COL20A1: variants seen among roughly 807,000 people sequenced by gnomAD.
The protein encoded by COL20A1 is collagen type XX alpha 1 chain.
A neutral mutation model predicts 152.9 loss-of-function variants in COL20A1; 164 were observed. That is an observed-to-expected ratio of 1.07 (90% CI 0.94 to 1.22). COL20A1 has a LOEUF of 1.22. COL20A1 is among the 50% of genes most tolerant of loss of function. COL20A1 has a pLI of 0.00. For missense variants in COL20A1, 1,873 were observed against 1,744.8 expected, an observed-to-expected ratio of 1.07 and a Z score of -1.31; for synonymous variants, 864 against 756.0, an observed-to-expected ratio of 1.14 and a Z score of -2.34.
rs554008709 is a variant in COL20A1 at position 63,334,446 on chromosome 20, G to A, written c.*3730G>A. 2.6e-5 allele frequency: 4 copies of A among 152,244 alleles called. No individual in the cohort carries two copies. Among genetic ancestry groups the A allele is most frequent in the African/African-American group, 4.8e-5 (2 of 41,442 alleles). 9.4% of individuals were successfully genotyped at this position (152,244 alleles called of 1,614,324 possible). ...TTCTTGTTTTTTGAGACAAGGTCTT[G>A]CTCTGTCACCCAGGCTGGAGTACAG... is the stretch of plus-strand genomic sequence containing the variant. On this transcript the variant is annotated 3_prime_UTR_variant, in exon 36 of 36. Coordinates refer to ENST00000358894, the MANE Select transcript of COL20A1 (RefSeq NM_020882.4).
rs185206820 is a variant in COL20A1 at position 63,323,548 on chromosome 20, G to C, written c.3294+1437G>C. On this transcript the variant is annotated intron_variant, in intron 27 of 35. Coordinates refer to ENST00000358894, the MANE Select transcript of COL20A1 (RefSeq NM_020882.4). The stretch of plus-strand genomic sequence containing the variant: ...TACAGCACTGGGGAGGACAGAGGAC[G>C]GGGAGGACTCCAGCTTCACCTCTTC... Among the ~76,000 whole-genome samples, 7 of 152,304 alleles carry C rather than the reference G, an allele frequency of 4.6e-5. No individual in the cohort carries two copies. In the East Asian group the frequency reaches 1.4e-3, roughly 29 times the overall value.
At chr20:63,304,507 G>T (rs111164188) in intron 3 of COL20A1, among the ~76,000 whole-genome samples, 9 of 70,818 alleles carry the variant, frequency 1.3e-4, no homozygotes, top group South Asian at 1.3e-3. Context: ...CTGCAGGTGC[G>T]CAGGTGTGGG....
Position 63,331,793 on chromosome 20 carries a change from A to T in COL20A1, c.*1077A>T, listed in dbSNP as rs2068336849. 6.6e-6 allele frequency: 1 copy of T among 152,282 alleles called. No individual in the cohort carries two copies. The highest frequency in any genetic ancestry group is 2.4e-5 in the African/African-American group (1 of 41,458). 9.4% of individuals were successfully genotyped at this position (152,282 alleles called of 1,614,324 possible). A position where few individuals can be genotyped will look rare whatever the true frequency, so the allele number is the denominator to read the frequency against. ...CATTGAGGAGAGAATGAAAAGTATT[A>T]AAAAGGAACAAAGAGAGACCCTTGA... On this transcript the variant is annotated 3_prime_UTR_variant, in exon 36 of 36. Transcript: ENST00000358894.
At chr20:63,314,417 T>C (rs1181950457) in intron 19 of COL20A1, among the ~76,000 whole-genome samples, 1 of 152,136 alleles carries the variant, frequency 6.6e-6, no homozygotes, top group Non-Finnish European at 1.5e-5. Flanking sequence ...AAGGACGTGG[T>C]CACACTTGCC....
At chr20:63,329,758 G>A (rs2068307861) in intron 35 of COL20A1, 97 bp downstream of exon 35, 1 of 866,522 alleles carries the variant, frequency 1.2e-6, no homozygotes, top group East Asian at 2.7e-5. Flanking sequence ...ATGCTGTCCA[G>A]GGTGGGGTGC....
chr20:63,315,400 G>A lies in COL20A1; in HGVS notation c.2489-4G>A. 2 of 1,574,824 alleles carry A rather than the reference G, an allele frequency of 1.3e-6. No individual in the cohort carries two copies. Among genetic ancestry groups the A allele is most frequent in the East Asian group, 2.3e-5 (1 of 43,164 alleles). On this transcript the variant is annotated splice_region_variant and splice_polypyrimidine_tract_variant and intron_variant, in intron 19 of 35. Transcript: ENST00000358894. ...CTCACACTGACCCTGTCTCCTCTCA[G>A]CAGCCTGCCCAGCCCTCCGCCCTGA...
chr20:63,307,484 C>G lies in COL20A1; in HGVS notation c.497-6C>G, dbSNP rs765027858. 6.2e-6 allele frequency: 10 copies of G among 1,609,652 alleles called. No individual in the cohort carries two copies. In the African/African-American group the frequency reaches 1.1e-4, roughly 17 times the overall value. On this transcript the variant is annotated splice_region_variant and splice_polypyrimidine_tract_variant and intron_variant, in intron 5 of 35. Transcript: ENST00000358894. The stretch of plus-strand genomic sequence containing the variant: ...CCTAGCACCTGACCCGCTCCCACCG[C>G]CCCAGCCGGCCCCCAGTTCCGCTGC...
intron 3 of COL20A1, among the ~76,000 whole-genome samples, chr20:63,303,694 G>T (rs2067885344): frequency 6.6e-6 from 1 of 152,166 alleles, no homozygotes; most frequent in African/African-American, 2.4e-5. Context: ...TCCCTGGCTG[G>T]TCACTCCCTG....
rs892079010 is a variant in COL20A1, at chr20:63,308,101, G to A, written c.775+11G>A. 5.6e-6 allele frequency: 9 copies of A among 1,611,828 alleles called. No individual in the cohort carries two copies. Among genetic ancestry groups the A allele is most frequent in the Admixed American group, 3.3e-5 (2 of 59,960 alleles). On this transcript the variant is annotated intron_variant, in intron 7 of 35. Coordinates refer to ENST00000358894, the MANE Select transcript of COL20A1 (RefSeq NM_020882.4). Reference sequence around the variant, plus strand: ...GGAACACGTTCACAGGTACGGCCCAGGCCTGCCCCTCCCTCTGTCCTGAGG... The same window carrying A: ...GGAACACGTTCACAGGTACGGCCCAAGCCTGCCCCTCCCTCTGTCCTGAGG...
At position 63,331,739 on chromosome 20, in the gene COL20A1, G is replaced by A. The variant is rs1414209708; in HGVS notation, c.*1023G>A. On this transcript the variant is annotated 3_prime_UTR_variant, in exon 36 of 36. Coordinates refer to ENST00000358894, the MANE Select transcript of COL20A1 (RefSeq NM_020882.4). The stretch of plus-strand genomic sequence containing the variant: ...ACCACTTAGGCAGCTAAGCAAGAAA[G>A]GTGCCAGAAATGAAGAGGGAAGCCA... The A allele has an allele frequency of 6.6e-6, 1 of 152,170 alleles. No individual in the cohort carries two copies. The highest frequency in any genetic ancestry group is 1.5e-5 in the Non-Finnish European group (1 of 68,040). 9.4% of individuals were successfully genotyped at this position (152,170 alleles called of 1,614,324 possible). A position where few individuals can be genotyped will look rare whatever the true frequency, so the allele number is the denominator to read the frequency against.
rs989500025 is a variant in COL20A1 at position 63,306,978 on chromosome 20, C to T, written c.497-512C>T. ...GGGCAGCTGGGCCTCTTCGGTCGCC[C>T]CACGGGGGGCTCCACCGTGATGGCT... On this transcript the variant is annotated intron_variant, in intron 5 of 35. Transcript: ENST00000358894. The surrounding 1 kb of genome is among the most constrained non-coding windows in gnomAD (Gnocchi z 6.9). Among the ~76,000 whole-genome samples, 1 of 152,244 alleles carries T rather than the reference C, an allele frequency of 6.6e-6. No individual in the cohort carries two copies. Among genetic ancestry groups the T allele is most frequent in the Admixed American group, 6.5e-5 (1 of 15,290 alleles).
At position 63,319,129 on chromosome 20, in the gene COL20A1, C is replaced by T. The variant is rs535825876; in HGVS notation, c.2735C>T (p.Pro912Leu). 11 of 1,613,286 alleles carry T rather than the reference C, an allele frequency of 6.8e-6. No individual in the cohort carries two copies. The African/African-American group carries it at 9.3e-5, about 14-fold the overall frequency. The change falls in exon 22 of 36, where the codon CCC becomes CTC. Residue 912 changes from proline to leucine, a missense_variant. Coordinates refer to ENST00000358894, the MANE Select transcript of COL20A1 (RefSeq NM_020882.4). The surrounding 1 kb of genome is among the most constrained non-coding windows in gnomAD (Gnocchi z 4.4). ...CTTGTGCGCCTACTTCCCGAGACAC[C>T]CCGTGAGGCCTTCGCGCTGTGGCAG... is the stretch of plus-strand genomic sequence containing the variant. ...VFLVRLLPET[P>L]REAFALWQMT...
chr20:63,297,873 C>A, intron 2 of COL20A1, 37 bp from the exon 3 acceptor site: 3 of 1,514,268 alleles, frequency 2.0e-6, no homozygotes, highest in Non-Finnish European at 2.7e-6. Context: ...GATGGGGAGG[C>A]CAGGTCAGTC....
At chr20:63,329,740 G>A (rs6010904) in intron 35 of COL20A1, 79 bp downstream of exon 35, 5 of 1,010,844 alleles carry the variant, frequency 4.9e-6, no homozygotes, top group Non-Finnish European at 7.1e-6. Flanking sequence ...GCCAACGGGT[G>A]GGGCCTCATG....
rs2067945855 is a variant in COL20A1 at position 63,307,719 on chromosome 20, T to C, written c.655+71T>C. ...CCCACAGCTCTGCCAGAGGAGGCTG[T>C]GACCTGTGGGGGTCCCCGTACCAGC... On this transcript the variant is annotated intron_variant, in intron 6 of 35. Coordinates refer to ENST00000358894, the MANE Select transcript of COL20A1 (RefSeq NM_020882.4). 6 of 1,528,840 alleles carry C rather than the reference T, an allele frequency of 3.9e-6. 1 individual carries two copies. In the South Asian group the frequency reaches 6.1e-5, roughly 15 times the overall value. 94.7% of individuals were successfully genotyped at this position (1,528,840 alleles called of 1,614,324 possible).
chr20:63,310,533 C>A (rs1211264941), intron 11 of COL20A1, 23 bp downstream of exon 11: 2 of 1,564,594 alleles, frequency 1.3e-6, no homozygotes. Flanking sequence ...GAGGCAGCGG[C>A]CAGGTTCTGG....
In COL20A1 at chr20:63,325,484, CA is replaced by C; in HGVS notation, c.3339del (p.Gly1114AlafsTer23). The C allele has an allele frequency of 6.2e-7, 1 of 1,612,578 alleles. No individual in the cohort carries two copies. The highest frequency in any genetic ancestry group is 8.5e-7 in the Non-Finnish European group (1 of 1,179,538). On this transcript the variant is annotated frameshift_variant, in exon 28 of 36. Coordinates refer to ENST00000358894, the MANE Select transcript of COL20A1 (RefSeq NM_020882.4). LOFTEE classifies it high-confidence loss of function. Reference sequence around the variant, plus strand: ...GGAGAGAAGGGAGACCATGGGCTTCCAGGCTTGCAGGTAGTGTGGCTGGGGC... The same window carrying C: ...GGAGAGAAGGGAGACCATGGGCTTCCGGCTTGCAGGTAGTGTGGCTGGGGC... ...VKGEKGDHGL[P>X]GLQGHPGHQG... is the part of the protein sequence containing the mutation.
chr20:63,311,356 T>A lies in COL20A1; in HGVS notation c.1394-38T>A. ...CCCGTGCGTGGGTGTGATCTCTGTG[T>A]GGGCTCCTTCCTAAAGTGTCCCTGC... On this transcript the variant is annotated intron_variant, in intron 11 of 35. Coordinates refer to ENST00000358894, the MANE Select transcript of COL20A1 (RefSeq NM_020882.4). This position sits in a 1 kb window ranked among gnomAD's most constrained non-coding sequence, Gnocchi z 4.4. 1 of 1,543,620 alleles carries A rather than the reference T, an allele frequency of 6.5e-7. No homozygotes were observed. The highest frequency in any genetic ancestry group is 1.9e-5 in the Admixed American group (1 of 52,354).
Position 63,305,704 on chromosome 20 carries a change from C to A in COL20A1, c.337+144C>A. 8.7e-7 allele frequency: 1 copy of A among 1,147,192 alleles called. No individual in the cohort carries two copies. Among genetic ancestry groups the A allele is most frequent in the Non-Finnish European group, 1.2e-6 (1 of 817,580 alleles). The allele number at this position is 1,147,192 out of a possible 1,614,324, so 71.1% of individuals were successfully genotyped here. Reference sequence around the variant, plus strand: ...AAGCAGTTCTGGGCTGTGCTAGGGGCAGGTTCAAGTCCCGACTCACCAGCA... The same window carrying A: ...AAGCAGTTCTGGGCTGTGCTAGGGGAAGGTTCAAGTCCCGACTCACCAGCA... On this transcript the variant is annotated intron_variant, in intron 4 of 35. Coordinates refer to ENST00000358894, the MANE Select transcript of COL20A1 (RefSeq NM_020882.4). The surrounding 1 kb of genome is among the most constrained non-coding windows in gnomAD (Gnocchi z 4.9).
Sources: allele counts gnomAD v4.1 joint callset (sites outside exome capture counted in the v4.1 genomes callset), GRCh38; gene constraint gnomAD v4.1.1; non-coding constraint Gnocchi (gnomAD v3.1); transcripts MANE v1.5; gene names NCBI Gene and HGNC (gene_info 2026-07-23, HGNC 2026-07-21).